FGGY: variants seen among roughly 807,000 people sequenced by gnomAD.
The protein encoded by FGGY is FGGY carbohydrate kinase domain containing.
Under a neutral mutation model 71.3 loss-of-function variants are expected in FGGY, and 72 were observed. The observed-to-expected ratio is 1.01, with a 90% CI of 0.84 to 1.23. The LOEUF (loss-of-function observed/expected upper bound fraction) is 1.23, where lower values mean the gene tolerates loss of function less well. Ranked by LOEUF, FGGY falls within the 50% of genes most tolerant of loss-of-function variation. The pLI is 0.00. For missense variants in FGGY, 668 were observed against 682.3 expected, an observed-to-expected ratio of 0.98 and a Z score of 0.23; for synonymous variants, 251 against 250.3, an observed-to-expected ratio of 1.00 and a Z score of -0.02.
intron 10 of FGGY, among the ~76,000 whole-genome samples, chr1:59,627,541 T>C (rs1345851150): frequency 6.7e-6 from 1 of 149,694 alleles, no homozygotes. Context: ...AATATAGATA[T>C]GTATATTCAT....
rs1214920568 is a variant in FGGY at position 59,559,789 on chromosome 1, T to G, written c.903+5562T>G. Among the ~76,000 whole-genome samples the G allele has an allele frequency of 1.3e-5, 2 of 152,132 alleles. 1 individual carries two copies. Among genetic ancestry groups the G allele is most frequent in the Non-Finnish European group, 2.9e-5 (2 of 68,008 alleles). ...TCCCACTAGCCAAAACTGGAACAAT[T>G]TAAGCAGTAAAATGAAGTATTATGA... On this transcript the variant is annotated intron_variant, in intron 8 of 15. Coordinates refer to ENST00000303721, the MANE Select transcript of FGGY (RefSeq NM_018291.5).
chr1:59,327,033 G>T (rs2047566299), intron 2 of FGGY, among the ~76,000 whole-genome samples: 1 of 152,208 alleles, frequency 6.6e-6, no homozygotes, highest in African/African-American at 2.4e-5. Flanking sequence ...CTTTTTCCTG[G>T]TGGAGGGTTT....
chr1:59,743,830 A>G (rs2098170765), intron 14 of FGGY, among the ~76,000 whole-genome samples: 1 of 152,244 alleles, frequency 6.6e-6, no homozygotes, highest in Non-Finnish European at 1.5e-5. Flanking sequence ...TATCCCCTGC[A>G]GCCTCCTTTC....
chr1:59,671,372 C>A (rs2153976213), intron 13 of FGGY, among the ~76,000 whole-genome samples: 1 of 152,352 alleles, frequency 6.6e-6, no homozygotes, highest in South Asian at 2.1e-4. Flanking sequence ...AGTGTTTCCA[C>A]CCCTGGGCTC....
At chr1:59,759,390 G>A (rs1186762298) in intron 15 of FGGY, among the ~76,000 whole-genome samples, 3 of 152,202 alleles carry the variant, frequency 2.0e-5, no homozygotes, top group Admixed American at 6.5e-5. Context: ...GTTCCCACTG[G>A]CAGTAGGAGC....
intron 6 of FGGY, among the ~76,000 whole-genome samples, chr1:59,477,685 A>G (rs890384481): frequency 5.3e-5 from 8 of 152,124 alleles, no homozygotes; most frequent in Admixed American, 1.3e-4. Flanking sequence ...ATGAGGGGGG[A>G]AAAACCCACT....
chr1:59,754,323 C>T (rs561099208), intron 14 of FGGY, among the ~76,000 whole-genome samples: 5 of 152,218 alleles, frequency 3.3e-5, no homozygotes, highest in Non-Finnish European at 5.9e-5. Context: ...TGGTTAACAC[C>T]TGTCTATTCT....
intron 3 of FGGY, among the ~76,000 whole-genome samples, chr1:59,344,219 A>G (rs528194169): frequency 2.6e-5 from 4 of 151,348 alleles, no homozygotes; most frequent in Admixed American, 6.6e-5. Flanking sequence ...GTGGGAGGTG[A>G]TATCTTTCCA....
At chr1:59,520,457 T>G (rs2094794823) in intron 7 of FGGY, among the ~76,000 whole-genome samples, 1 of 152,296 alleles carries the variant, frequency 6.6e-6, no homozygotes, top group South Asian at 2.1e-4. Flanking sequence ...AGTCTAAATG[T>G]TACTTTGTGG....
intron 14 of FGGY, among the ~76,000 whole-genome samples, chr1:59,732,255 A>G (rs2098041866): frequency 6.6e-6 from 1 of 152,218 alleles, no homozygotes; most frequent in South Asian, 2.1e-4. Flanking sequence ...CGCCATGTAC[A>G]TATGGGCTTA....
At chr1:59,571,616 G>A (rs1267992078) in intron 8 of FGGY, among the ~76,000 whole-genome samples, 1 of 152,150 alleles carries the variant, frequency 6.6e-6, no homozygotes. Flanking sequence ...TTGTACTTGT[G>A]TACCAGTAAG....
intron 5 of FGGY, among the ~76,000 whole-genome samples, chr1:59,406,798 G>A (rs542980915): frequency 1.1e-4 from 16 of 152,020 alleles, no homozygotes; most frequent in African/African-American, 2.9e-4. Flanking sequence ...TCCATCTCTT[G>A]TTACCTCAAT....
At chr1:59,453,377 AACTT>A in intron 5 of FGGY, among the ~76,000 whole-genome samples, 1 of 152,142 alleles carries the variant, frequency 6.6e-6, no homozygotes, top group East Asian at 1.9e-4. Context: ...TGCTTGGAAA[AACTT>A]AGTTATGCTG....
chr1:59,512,392 G>C lies in FGGY; in HGVS notation c.752G>C (p.Gly251Ala), dbSNP rs753374977. The C allele has an allele frequency of 4.3e-6, 7 of 1,613,844 alleles. No homozygotes were observed. Among genetic ancestry groups the C allele is most frequent in the Non-Finnish European group, 5.9e-6 (7 of 1,179,820 alleles). The change falls in exon 7 of 16, where the codon GGG becomes GCG. Residue 251 changes from glycine to alanine, a missense_variant. Transcript: ENST00000303721. ...EAARDLGLLPGIAVAASLIDA... is the reference protein window; with the variant it reads ...EAARDLGLLPAIAVAASLIDA... ...GCAAGAGACCTTGGCCTTCTCCCTG[G>C]GATTGCGGTCGCAGCTTCACTCATT...
intron 1 of FGGY, among the ~76,000 whole-genome samples, chr1:59,309,505 CT>C (rs2043931971): frequency 6.6e-6 from 1 of 152,084 alleles, no homozygotes; most frequent in Non-Finnish European, 1.5e-5. Context: ...CTTAGAGGTC[CT>C]TTTGGGTCAA....
chr1:59,518,890 C>G (rs965831435), intron 7 of FGGY, among the ~76,000 whole-genome samples: 6 of 152,172 alleles, frequency 3.9e-5, no homozygotes, highest in African/African-American at 1.4e-4. Flanking sequence ...TGGACTAATA[C>G]AAAACACATC....
intron 14 of FGGY, among the ~76,000 whole-genome samples, chr1:59,675,717 A>G (rs1237886311): frequency 6.6e-6 from 1 of 152,230 alleles, no homozygotes; most frequent in Non-Finnish European, 1.5e-5. Context: ...TCACAATTAA[A>G]TATCTTGCCC....
chr1:59,621,099 G>A (rs1246558577), intron 9 of FGGY, among the ~76,000 whole-genome samples: 1 of 151,958 alleles, frequency 6.6e-6, no homozygotes, highest in Non-Finnish European at 1.5e-5. Context: ...CCTTTTCTCA[G>A]TATGTGTATA....
intron 4 of FGGY, among the ~76,000 whole-genome samples, chr1:59,363,570 C>T (rs116780013): frequency 6.6e-6 from 1 of 152,286 alleles, no homozygotes; most frequent in East Asian, 1.9e-4. Flanking sequence ...CCAGGATATT[C>T]ACTCTTGCAT....
Sources: allele counts gnomAD v4.1 joint callset (sites outside exome capture counted in the v4.1 genomes callset), GRCh38; gene constraint gnomAD v4.1.1; transcripts MANE v1.5; gene names NCBI Gene and HGNC (gene_info 2026-07-23, HGNC 2026-07-21).